DOCK9: variants seen among roughly 807,000 people sequenced by gnomAD.
DOCK9 encodes the protein dedicator of cytokinesis protein 9.
A neutral mutation model predicts 263.3 loss-of-function variants in DOCK9; 89 were observed. The ratio of observed to expected loss-of-function variants is 0.34; its 90% CI spans 0.28 to 0.40. The LOEUF is 0.40. Ranked by LOEUF, DOCK9 falls within the 10% of genes least tolerant of loss-of-function variation. The probability of loss-of-function intolerance (pLI) is 1.00; values close to 1 mark genes in which losing one functional copy is unlikely to be tolerated. For synonymous variants in DOCK9, 976 were observed against 973.1 expected (o/e 1.00, Z -0.06); for missense variants, 2,140 against 2,603.4 (o/e 0.82, Z 3.87).
chr13:98,855,571 C>G (rs547790515), intron 34 of DOCK9, among the ~76,000 whole-genome samples: 1 of 151,762 alleles, frequency 6.6e-6, no homozygotes, highest in Admixed American at 6.6e-5. Flanking sequence ...GACTCTGTCT[C>G]AAAAAATAAA....
intron 23 of DOCK9, among the ~76,000 whole-genome samples, chr13:98,882,398 ACT>A (rs1328546574): frequency 1.3e-5 from 2 of 152,158 alleles, no homozygotes; most frequent in Admixed American, 6.5e-5. Flanking sequence ...ACATATAAAA[ACT>A]TCATTGTTTA....
chr13:99,031,203 G>C (rs9517559), intron 1 of DOCK9, among the ~76,000 whole-genome samples: 101,843 of 152,008 alleles, frequency 0.67, 35,089 homozygotes, highest in East Asian at 0.9. Flanking sequence ...CAATAGAATC[G>C]CAATTTGTAA....
intron 1 of DOCK9, among the ~76,000 whole-genome samples, chr13:99,053,851 A>G (rs1566362290): frequency 6.6e-6 from 1 of 151,438 alleles, no homozygotes; most frequent in Non-Finnish European, 1.5e-5. Context: ...ACCTCCCCTC[A>G]CTCACCCTCC....
intron 2 of DOCK9, among the ~76,000 whole-genome samples, chr13:98,945,358 C>T (rs2056564661): frequency 6.6e-6 from 1 of 152,186 alleles, no homozygotes; most frequent in Admixed American, 6.5e-5. Flanking sequence ...AGTCACTCCA[C>T]CATGGTCCAT....
intron 38 of DOCK9, among the ~76,000 whole-genome samples, chr13:98,842,450 T>C (rs1377956894): frequency 6.6e-6 from 1 of 152,274 alleles, no homozygotes; most frequent in African/African-American, 2.4e-5. Context: ...TTTCTTTTCA[T>C]GCTGCTACCT....
chr13:99,082,491 C>T (rs2042161906), intron 1 of DOCK9, among the ~76,000 whole-genome samples: 1 of 151,420 alleles, frequency 6.6e-6, no homozygotes, highest in African/African-American at 2.4e-5. Context: ...TGCACTCCAG[C>T]CTGGGTGAAA....
intron 23 of DOCK9, among the ~76,000 whole-genome samples, chr13:98,882,722 C>T (rs1397222158): frequency 6.6e-6 from 1 of 152,198 alleles, no homozygotes; most frequent in Admixed American, 6.5e-5. Context: ...AGGGTGAGGA[C>T]CGAAGTCTCT....
chr13:98,875,035 T>C (rs2094293318), intron 27 of DOCK9, among the ~76,000 whole-genome samples: 1 of 152,172 alleles, frequency 6.6e-6, no homozygotes. Context: ...CCCTAGATTG[T>C]GGTATCCTGC....
At chr13:98,854,252 T>C (rs1232800259) in intron 34 of DOCK9, among the ~76,000 whole-genome samples, 1 of 152,098 alleles carries the variant, frequency 6.6e-6, no homozygotes, top group Non-Finnish European at 1.5e-5. Flanking sequence ...AATCTCATCA[T>C]GTGATTGCAA....
Position 98,829,202 on chromosome 13 carries a change from G to T in DOCK9, c.4965+105C>A. The T allele has an allele frequency of 2.9e-6, 3 of 1,026,028 alleles. No individual in the cohort carries two copies. The highest frequency in any genetic ancestry group is 2.5e-5 in the Admixed American group (1 of 40,358). The allele number at this position is 1,026,028 out of a possible 1,614,324, so 63.6% of individuals were successfully genotyped here. ...TTTAAAGTTTTGCATACTTTTAATT[G>T]GTTTTTGATTAATGGAATAACTTTT... On this transcript the variant is annotated intron_variant, in intron 43 of 52. Coordinates refer to ENST00000682017, the MANE Select transcript of DOCK9 (RefSeq NM_001366683.2). This position sits in a 1 kb window ranked among gnomAD's most constrained non-coding sequence, Gnocchi z 4.1.
chr13:98,888,001 T>C (rs1217347527), intron 18 of DOCK9, 157 bp downstream of exon 18: 1 of 555,984 alleles, frequency 1.8e-6, no homozygotes, highest in African/African-American at 1.9e-5. Flanking sequence ...TTCGATAAGA[T>C]TGAGTATATA....
At chr13:99,057,033 T>C (rs1467691735) in intron 1 of DOCK9, among the ~76,000 whole-genome samples, 2 of 152,094 alleles carry the variant, frequency 1.3e-5, no homozygotes, top group South Asian at 2.1e-4. Flanking sequence ...ATTCCTACCA[T>C]GTAGACTAGA....
chr13:98,880,523 G>A, intron 26 of DOCK9, 24 bp downstream of exon 26: 1 of 1,613,544 alleles, frequency 6.2e-7, no homozygotes, highest in Non-Finnish European at 8.5e-7. Flanking sequence ...TTCAATCAGA[G>A]CCACACTGAC....
intron 27 of DOCK9, among the ~76,000 whole-genome samples, chr13:98,877,331 C>A (rs1283410272): frequency 6.6e-6 from 1 of 152,210 alleles, no homozygotes; most frequent in Non-Finnish European, 1.5e-5. Flanking sequence ...TGAGAACAAA[C>A]ACATGCAAGT....
intron 1 of DOCK9, chr13:99,086,089 C>T: frequency 1.5e-6 from 2 of 1,295,398 alleles, no homozygotes. Flanking sequence ...GCCGGCCCCA[C>T]CTCTTGATTC....
chr13:98,902,398 C>A lies in DOCK9; in HGVS notation c.1270G>T (p.Val424Leu). The A allele has an allele frequency of 6.2e-7, 1 of 1,614,026 alleles. No individual in the cohort carries two copies. The highest frequency in any genetic ancestry group is 8.5e-7 in the Non-Finnish European group (1 of 1,179,886). Residue 424 changes from valine (V) to leucine (L), a missense_variant, in exon 12 of 53, where the codon GTG becomes TTG. Val to Leu is a conservative substitution (Grantham distance 32). This residue lies in a region of DOCK9 where 1,521 missense variants were observed against 1,741.7 expected (regional missense o/e 0.87). Coordinates refer to ENST00000682017, the MANE Select transcript of DOCK9 (RefSeq NM_001366683.2). ...DFHVDLNHFS[V>L]RQMLATTSPA... The stretch of plus-strand genomic sequence containing the variant: ...GACGTGGTGGCGAGCATTTGCCTCA[C>A]TGAGAAATGGTTCAGGTCTACGTGG...
chr13:98,802,238 A>G (rs369279104), intron 49 of DOCK9, among the ~76,000 whole-genome samples: 8 of 152,212 alleles, frequency 5.3e-5, no homozygotes, highest in Admixed American at 5.2e-4. Flanking sequence ...ACTGTTTATC[A>G]TCTGTCTCCT....
rs540840255 is a variant in DOCK9 at position 98,977,924 on chromosome 13, G to GC, written c.-16dup. 8.3e-5 allele frequency: 131 copies of GC among 1,568,968 alleles called. No individual in the cohort carries two copies. In the African/African-American group the frequency reaches 1.0e-3, roughly 12 times the overall value. ...TCAGCCTGCATTCTCGGCTGAAAACGCAAGTCAGAAAGTCTGCAACTGGAA... is the reference window on the plus strand; with the variant it reads ...TCAGCCTGCATTCTCGGCTGAAAACGCCAAGTCAGAAAGTCTGCAACTGGAA... On this transcript the variant is annotated 5_prime_UTR_variant, in exon 1 of 53. Coordinates refer to ENST00000682017, the MANE Select transcript of DOCK9 (RefSeq NM_001366683.2).
intron 1 of DOCK9, among the ~76,000 whole-genome samples, chr13:99,024,558 T>A (rs1047511181): frequency 2.0e-5 from 3 of 152,246 alleles, no homozygotes; most frequent in East Asian, 3.8e-4. Flanking sequence ...AGATTCTACA[T>A]ACATCAGTTA....
Sources: gnomAD v4.1 joint callset for allele counts (sites outside exome capture counted in the v4.1 genomes callset) on GRCh38, gnomAD v4.1.1 for gene constraint, gnomAD v4.1.1 regional missense constraint, Gnocchi (gnomAD v3.1) non-coding constraint, MANE v1.5 for transcripts, NCBI Gene and HGNC (gene_info 2026-07-23, HGNC 2026-07-21) for gene names.